FAM107B: variants seen among roughly 807,000 people sequenced by gnomAD.
FAM107B encodes protein FAM107B.
A neutral mutation model predicts 31.5 loss-of-function variants in FAM107B; 21 were observed. That is an observed-to-expected ratio of 0.67 (90% CI 0.47 to 0.96). FAM107B has a LOEUF of 0.96. FAM107B is among the 40% of genes least tolerant of loss of function. The probability of loss-of-function intolerance (pLI) is 0.00; values close to 1 mark genes in which losing one functional copy is unlikely to be tolerated. For missense variants in FAM107B, 452 were observed against 377.1 expected (o/e 1.20, Z -1.64); for synonymous variants, 157 against 141.5 (o/e 1.11, Z -0.78).
chr10:14,684,944 C>T (rs1854940846), intron 1 of FAM107B, among the ~76,000 whole-genome samples: 1 of 151,768 alleles, frequency 6.6e-6, no homozygotes, highest in Non-Finnish European at 1.5e-5. Flanking sequence ...TCTCAACCTT[C>T]CAATCAGCTG....
At chr10:14,579,186 T>C (rs1004635094) in intron 2 of FAM107B, among the ~76,000 whole-genome samples, 1 of 152,208 alleles carries the variant, frequency 6.6e-6, no homozygotes, top group African/African-American at 2.4e-5. Flanking sequence ...GACATACCAA[T>C]TGTGAAAATT....
At chr10:14,584,205 C>T (rs1215741517) in intron 2 of FAM107B, among the ~76,000 whole-genome samples, 2 of 152,152 alleles carry the variant, frequency 1.3e-5, no homozygotes, top group African/African-American at 4.8e-5. Context: ...GGTGTCTCAG[C>T]TGAGTAGCAG....
chr10:14,657,747 T>C (rs1253162114), intron 2 of FAM107B, among the ~76,000 whole-genome samples: 6 of 152,342 alleles, frequency 3.9e-5, no homozygotes, highest in South Asian at 2.1e-4. Context: ...ACAGGGATTG[T>C]ATGACTTTCA....
chr10:14,604,155 CGGAG>C, intron 2 of FAM107B: 3 of 910,292 alleles, frequency 3.3e-6, no homozygotes, highest in Non-Finnish European at 2.6e-6. Flanking sequence ...AGAGGGTCCC[CGGAG>C]CCGGGGTCGG....
intron 2 of FAM107B, among the ~76,000 whole-genome samples, chr10:14,572,664 TCA>T (rs1235331205): frequency 1.4e-5 from 2 of 146,136 alleles, no homozygotes; most frequent in Non-Finnish European, 3.0e-5. Flanking sequence ...TGCACTATGA[TCA>T]CATCTGTGAA....
chr10:14,539,835 C>T (rs961079555), intron 2 of FAM107B, among the ~76,000 whole-genome samples: 2 of 152,136 alleles, frequency 1.3e-5, no homozygotes, highest in African/African-American at 4.8e-5. Flanking sequence ...AGATAAGACA[C>T]AAACCCTGCA....
At chr10:14,598,462 A>G (rs771523551) in intron 2 of FAM107B, among the ~76,000 whole-genome samples, 1 of 152,210 alleles carries the variant, frequency 6.6e-6, no homozygotes, top group Non-Finnish European at 1.5e-5. Flanking sequence ...AAGGACAAAT[A>G]CCATGTGACT....
chr10:14,648,635 C>A (rs1021328408), intron 2 of FAM107B, among the ~76,000 whole-genome samples: 14 of 152,204 alleles, frequency 9.2e-5, no homozygotes, highest in African/African-American at 3.1e-4. Context: ...AGAGGACAGG[C>A]ACCTTCTGCC....
At chr10:14,632,115 T>C (rs747031758) in intron 2 of FAM107B, among the ~76,000 whole-genome samples, 4 of 149,356 alleles carry the variant, frequency 2.7e-5, no homozygotes, top group Non-Finnish European at 4.4e-5. Context: ...TGGCCAACAT[T>C]GGTGAAACCC....
rs551063638 is a variant in FAM107B, at chr10:14,673,392, T to A, written c.412-5701A>T. Among the ~76,000 whole-genome samples, 6 of 152,348 alleles carry A rather than the reference T, an allele frequency of 3.9e-5. No homozygotes were observed. The South Asian group carries it at 1.2e-3, about 32-fold the overall frequency. ...TATGAGTCAGAACATGTGGTATCTG[T>A]CTTTCTGTGTCTGGCTTATTTCACT... On this transcript the variant is annotated intron_variant, in intron 1 of 4. Coordinates refer to ENST00000181796, the MANE Select transcript of FAM107B (RefSeq NM_031453.4).
intron 1 of FAM107B, among the ~76,000 whole-genome samples, chr10:14,760,221 G>A (rs1833016371): frequency 6.6e-6 from 1 of 152,198 alleles, no homozygotes; most frequent in Non-Finnish European, 1.5e-5. Context: ...AACTCTGCTA[G>A]AGGGAATGGT....
intron 2 of FAM107B, among the ~76,000 whole-genome samples, chr10:14,541,011 A>T (rs1376122765): frequency 6.6e-6 from 1 of 152,200 alleles, no homozygotes; most frequent in African/African-American, 2.4e-5. Context: ...ACTGAGAAAC[A>T]ATCCCTCGCA....
chr10:14,523,990 C>T (rs1422499023), intron 3 of FAM107B, among the ~76,000 whole-genome samples: 1 of 151,490 alleles, frequency 6.6e-6, no homozygotes, highest in Non-Finnish European at 1.5e-5. Context: ...CCTCAGCCTC[C>T]TGAGTAGCTG....
chr10:14,615,857 G>T (rs1210249035), intron 2 of FAM107B, among the ~76,000 whole-genome samples: 2 of 152,140 alleles, frequency 1.3e-5, no homozygotes, highest in African/African-American at 2.4e-5. Flanking sequence ...AACTTTGAAG[G>T]CAGGCAGGAA....
chr10:14,537,766 C>T (rs1037367512), intron 2 of FAM107B, among the ~76,000 whole-genome samples: 1 of 145,208 alleles, frequency 6.9e-6, no homozygotes, highest in South Asian at 2.2e-4. Context: ...ACCCAGGAGG[C>T]GGAGACTGCA....
At chr10:14,767,753 T>G (rs897711095) in intron 1 of FAM107B, among the ~76,000 whole-genome samples, 5 of 152,114 alleles carry the variant, frequency 3.3e-5, no homozygotes, top group Admixed American at 3.3e-4. Flanking sequence ...TACTCTGAAA[T>G]CAGGAACAAA....
At chr10:14,767,024 G>GTATGTATATATATATATATATATA (rs1554757993) in intron 1 of FAM107B, among the ~76,000 whole-genome samples, 1 of 16,240 alleles carries the variant, frequency 6.2e-5, no homozygotes, top group Admixed American at 1.4e-3. Context: ...TGATGTGTAT[G>GTATGTATATATATATATATATATA]TATATATATA....
At chr10:14,654,272 T>G (rs1386848232) in intron 2 of FAM107B, among the ~76,000 whole-genome samples, 1 of 152,212 alleles carries the variant, frequency 6.6e-6, no homozygotes, top group East Asian at 1.9e-4. Flanking sequence ...CATCTACAGC[T>G]GAGTTTGCTC....
intron 1 of FAM107B, among the ~76,000 whole-genome samples, chr10:14,717,393 G>A (rs1054664977): frequency 6.6e-6 from 1 of 152,146 alleles, no homozygotes; most frequent in Non-Finnish European, 1.5e-5. Context: ...TCAGCAAGCT[G>A]GGGAAAGAGA....
Sources: gnomAD v4.1 joint callset for allele counts (sites outside exome capture counted in the v4.1 genomes callset) on GRCh38, gnomAD v4.1.1 for gene constraint, MANE v1.5 for transcripts, NCBI Gene and HGNC (gene_info 2026-07-23, HGNC 2026-07-21) for gene names.